The following CPD variants were observed in gnomAD, a reference collection of about 807,000 sequenced individuals.
The protein encoded by CPD is metallocarboxypeptidase D.
A neutral mutation model predicts 138.3 loss-of-function variants in CPD; 69 were observed. That is an observed-to-expected ratio of 0.50 (90% confidence interval 0.41 to 0.61). CPD has a LOEUF of 0.61. CPD is among the 20% of genes least tolerant of loss of function. CPD has a pLI of 0.00. For missense variants in CPD, 1,432 were observed against 1,733.3 expected (o/e 0.83, Z 3.09); for synonymous variants, 651 against 642.1 (o/e 1.01, Z -0.21).
At chr17:30,425,544 T>A (rs1279285465) in intron 6 of CPD, among the ~76,000 whole-genome samples, 1 of 151,574 alleles carries the variant, frequency 6.6e-6, no homozygotes, top group Non-Finnish European at 1.5e-5. Flanking sequence ...TAATTCCAGC[T>A]ACTCGGGAGA....
intron 6 of CPD, among the ~76,000 whole-genome samples, chr17:30,424,835 C>T (rs1912360263): frequency 6.6e-6 from 1 of 152,142 alleles, no homozygotes; most frequent in African/African-American, 2.4e-5. Context: ...CTATCAGGCA[C>T]CATAGTATAA....
At chr17:30,432,563 T>C (rs1368250505) in intron 8 of CPD, among the ~76,000 whole-genome samples, 1 of 152,114 alleles carries the variant, frequency 6.6e-6, no homozygotes, top group Admixed American at 6.6e-5. Flanking sequence ...TGGATTACTC[T>C]TACAATCGGG....
intron 2 of CPD, among the ~76,000 whole-genome samples, chr17:30,387,306 A>G (rs1911218639): frequency 6.6e-6 from 1 of 151,958 alleles, no homozygotes; most frequent in Admixed American, 6.6e-5. Flanking sequence ...TTTAGTAGAG[A>G]TAGGGTTCCA....
chr17:30,458,355 G>A (rs977696015), intron 17 of CPD, among the ~76,000 whole-genome samples: 13 of 152,066 alleles, frequency 8.5e-5, no homozygotes, highest in Admixed American at 1.3e-4. Context: ...TAATTGTAAC[G>A]AAATCCAGTG....
chr17:30,412,265 C>T (rs1911986850), intron 2 of CPD, among the ~76,000 whole-genome samples: 1 of 152,148 alleles, frequency 6.6e-6, no homozygotes, highest in Admixed American at 6.5e-5. Context: ...CCCAGAGGGG[C>T]ACCTGCCTGT....
At chr17:30,447,067 G>A (rs1249776026) in intron 12 of CPD, among the ~76,000 whole-genome samples, 1 of 152,152 alleles carries the variant, frequency 6.6e-6, no homozygotes, top group Non-Finnish European at 1.5e-5. Flanking sequence ...TGTAGATTCT[G>A]GATATTAGCC....
intron 12 of CPD, among the ~76,000 whole-genome samples, chr17:30,447,003 C>T (rs987441744): frequency 6.6e-5 from 10 of 152,140 alleles, no homozygotes; most frequent in Admixed American, 5.9e-4. Flanking sequence ...ATATCCTTCA[C>T]CCACTTTTTG....
chr17:30,379,643 C>T lies in CPD; in HGVS notation c.663C>T (p.Pro221=), dbSNP rs955050588. The change falls in exon 1 of 21, where the codon CCC becomes CCT. Residue 221 remains proline (P), a synonymous_variant. Coordinates refer to ENST00000225719, the MANE Select transcript of CPD (RefSeq NM_001304.5). The surrounding 1 kb of genome is among the most constrained non-coding windows in gnomAD (Gnocchi z 7.0). Reference sequence around the variant, plus strand: ...GCCGCGACCTCAACCGAAGCTTTCCCGACCAGTTTAGCACCGGCGAACCCC... The same window carrying T: ...GCCGCGACCTCAACCGAAGCTTTCCTGACCAGTTTAGCACCGGCGAACCCC... ...SRGRDLNRSF[P]DQFSTGEPPA... 40 of 1,515,470 alleles carry T rather than the reference C, an allele frequency of 2.6e-5. No homozygotes were observed. Among genetic ancestry groups the T allele is most frequent in the Non-Finnish European group, 3.4e-5 (39 of 1,147,876 alleles). The allele number at this position is 1,515,470 out of a possible 1,614,324, so 93.9% of individuals were successfully genotyped here. A position where few individuals can be genotyped will look rare whatever the true frequency, so the allele number is the denominator to read the frequency against.
chr17:30,443,229 A>G (rs560337751), intron 10 of CPD, among the ~76,000 whole-genome samples: 17 of 152,266 alleles, frequency 1.1e-4, no homozygotes, highest in African/African-American at 3.9e-4. Flanking sequence ...TTTTACCCCT[A>G]AATATTTCAG....
At chr17:30,461,530 A>G (rs939921561) in intron 18 of CPD, among the ~76,000 whole-genome samples, 6 of 152,182 alleles carry the variant, frequency 3.9e-5, no homozygotes, top group Non-Finnish European at 7.3e-5. Context: ...AGATGCTGCA[A>G]GTTCTTTAAT....
chr17:30,464,460 T>G (rs1913577799), intron 20 of CPD, 128 bp from the exon 21 acceptor site: 2 of 690,004 alleles, frequency 2.9e-6, no homozygotes, highest in Non-Finnish European at 2.5e-6. Context: ...TAATAAAGGT[T>G]GTTCTTAAGT....
intron 17 of CPD, among the ~76,000 whole-genome samples, chr17:30,459,902 T>C (rs1314586861): frequency 1.3e-5 from 2 of 152,160 alleles, no homozygotes; most frequent in Non-Finnish European, 2.9e-5. Context: ...AACCAGAAAA[T>C]TGACTTTATT....
At chr17:30,400,628 G>A (rs1305947341) in intron 2 of CPD, among the ~76,000 whole-genome samples, 2 of 141,530 alleles carry the variant, frequency 1.4e-5, no homozygotes, top group African/African-American at 2.6e-5. Context: ...TTCCATCTCT[G>A]AGAATGTGTA....
chr17:30,380,833 A>C (rs1911022770), intron 1 of CPD, among the ~76,000 whole-genome samples: 2 of 152,228 alleles, frequency 1.3e-5, no homozygotes, highest in Non-Finnish European at 2.9e-5. Flanking sequence ...ATAGTGTCTG[A>C]AGTGAGCAGG....
intron 2 of CPD, among the ~76,000 whole-genome samples, chr17:30,414,040 A>G (rs1161517740): frequency 6.6e-6 from 1 of 152,214 alleles, no homozygotes; most frequent in African/African-American, 2.4e-5. Flanking sequence ...CTGCAGAGCC[A>G]GTGATGGAGA....
At chr17:30,392,864 T>C (rs1445447810) in intron 2 of CPD, among the ~76,000 whole-genome samples, 1 of 152,242 alleles carries the variant, frequency 6.6e-6, no homozygotes, top group Non-Finnish European at 1.5e-5. Context: ...AAAATACGAA[T>C]GAGTGTTGAG....
At position 30,379,382 on chromosome 17, in the gene CPD, G is replaced by T; in HGVS notation, c.402G>T (p.Leu134=). Residue 134 remains leucine (L), a synonymous_variant, in exon 1 of 21, where the codon CTG becomes CTT. Transcript: ENST00000225719. This position sits in a 1 kb window ranked among gnomAD's most constrained non-coding sequence, Gnocchi z 7.0. ...TGCCCGGCCGGCCCCAGGTGAAGCT[G>T]GTGGGCAACATGCATGGCGACGAGA... is the stretch of plus-strand genomic sequence containing the variant. ...PLLPGRPQVK[L]VGNMHGDETV... The T allele has an allele frequency of 2.6e-6, 4 of 1,526,270 alleles. No individual in the cohort carries two copies. Among genetic ancestry groups the T allele is most frequent in the Non-Finnish European group, 3.5e-6 (4 of 1,145,380 alleles). The allele number at this position is 1,526,270 out of a possible 1,614,324, so 94.5% of individuals were successfully genotyped here. A position where few individuals can be genotyped will look rare whatever the true frequency, so the allele number is the denominator to read the frequency against.
intron 6 of CPD, among the ~76,000 whole-genome samples, chr17:30,426,122 C>T (rs548170563): frequency 5.4e-4 from 81 of 151,020 alleles, no homozygotes; most frequent in African/African-American, 1.9e-3. Flanking sequence ...ATGGCGTGAA[C>T]CCAGGAGGCA....
intron 6 of CPD, among the ~76,000 whole-genome samples, chr17:30,427,099 T>C (rs145586016): frequency 1.1e-4 from 17 of 152,014 alleles, no homozygotes; most frequent in African/African-American, 4.1e-4. Flanking sequence ...GGAGAATCGC[T>C]TGAACCCGGG....
Sources: allele counts gnomAD v4.1 joint callset (sites outside exome capture counted in the v4.1 genomes callset), GRCh38; gene constraint gnomAD v4.1.1; non-coding constraint Gnocchi (gnomAD v3.1); transcripts MANE v1.5; gene names NCBI Gene and HGNC (gene_info 2026-07-23, HGNC 2026-07-21).